The following PLCB4 variants were observed in gnomAD, a reference collection of about 807,000 sequenced individuals.
PLCB4 encodes the protein phospholipase C beta 4, also known as 1-phosphatidylinositol 4,5-bisphosphate phosphodiesterase beta-4.
In PLCB4, 77 loss-of-function variants were observed where a neutral mutation model predicts 178.8. The observed-to-expected ratio is 0.43, with a 90% CI of 0.36 to 0.52. PLCB4 has a LOEUF of 0.52. PLCB4 is among the 20% of genes least tolerant of loss of function. The pLI, the probability that PLCB4 is intolerant of heterozygous loss-of-function variation, is 0.00. For synonymous variants in PLCB4, 496 were observed against 490.8 expected (o/e 1.01, Z -0.14); for missense variants, 1,024 against 1,453.4 (o/e 0.70, Z 4.80).
chr20:9,394,601 A>G (rs2038418221), intron 18 of PLCB4, among the ~76,000 whole-genome samples: 1 of 152,206 alleles, frequency 6.6e-6, no homozygotes, highest in African/African-American at 2.4e-5. Flanking sequence ...ATAGAATTGT[A>G]TGCATTTATT....
intron 14 of PLCB4, 33 bp from the exon 15 acceptor site, chr20:9,387,430 A>C (rs1257592646): frequency 9.5e-7 from 1 of 1,052,826 alleles, no homozygotes. Flanking sequence ...TTCATTGTAA[A>C]GTTTCAATAT....
At chr20:9,161,811 T>G (rs576064414) in intron 2 of PLCB4, among the ~76,000 whole-genome samples, 1 of 152,240 alleles carries the variant, frequency 6.6e-6, no homozygotes, top group East Asian at 1.9e-4. Context: ...ACTTTTTAGA[T>G]TCTACAAAAA....
intron 36 of PLCB4, among the ~76,000 whole-genome samples, chr20:9,471,841 C>T (rs1345599639): frequency 1.3e-5 from 2 of 152,074 alleles, no homozygotes; most frequent in Non-Finnish European, 1.5e-5. Context: ...AGAGCCTGTT[C>T]GTACCCTGCC....
At chr20:9,074,612 A>G (rs201840381) in intron 1 of PLCB4, among the ~76,000 whole-genome samples, 14 of 152,186 alleles carry the variant, frequency 9.2e-5, no homozygotes, top group African/African-American at 3.1e-4. Flanking sequence ...GTCACCCCAC[A>G]GGACCACCAT....
intron 1 of PLCB4, among the ~76,000 whole-genome samples, chr20:9,084,500 C>G (rs1043888433): frequency 1.1e-5 from 1 of 93,860 alleles, no homozygotes; most frequent in Non-Finnish European, 2.4e-5. Context: ...GGTGCTTTCT[C>G]TTTGTAATTT....
chr20:9,308,700 A>G (rs2094798063), intron 4 of PLCB4, among the ~76,000 whole-genome samples: 1 of 152,158 alleles, frequency 6.6e-6, no homozygotes, highest in South Asian at 2.1e-4. Context: ...AGATGCAGAA[A>G]CTAGGTCTTC....
rs1010002820 is a variant in PLCB4, at chr20:9,230,817, G to A, written c.-16+13365G>A. Among the ~76,000 whole-genome samples the A allele has an allele frequency of 3.9e-5, 6 of 152,182 alleles. 1 individual carries two copies. Among genetic ancestry groups the A allele is most frequent in the Admixed American group, 3.3e-4 (5 of 15,266 alleles). ...GACAGCAGCAAAGTACCCAGAGTAC[G>A]AGAGCAAAACCATGCCATAATTTCT... On this transcript the variant is annotated intron_variant, in intron 3 of 39. Transcript: ENST00000378473.
chr20:9,362,493 C>A (rs1217836084), intron 7 of PLCB4, among the ~76,000 whole-genome samples: 1 of 152,066 alleles, frequency 6.6e-6, no homozygotes, highest in Non-Finnish European at 1.5e-5. Context: ...TTGATGAACC[C>A]CTATTCATTT....
At chr20:9,224,801 C>T (rs1210873885) in intron 3 of PLCB4, among the ~76,000 whole-genome samples, 2 of 152,208 alleles carry the variant, frequency 1.3e-5, no homozygotes, top group African/African-American at 2.4e-5. Context: ...TGAGAGAGAA[C>T]TTTCCTAACA....
rs2092291288 is a variant in PLCB4 at position 9,132,306 on chromosome 20, G to GTA, written c.-79+35965_-79+35966insAT. Among the ~76,000 whole-genome samples the GTA allele has an allele frequency of 5.3e-5, 8 of 152,140 alleles. No individual in the cohort carries two copies. The South Asian group carries it at 1.7e-3, about 32-fold the overall frequency. On this transcript the variant is annotated intron_variant, in intron 2 of 39. Transcript: ENST00000378473. ...TGTTTGTGTGTGTGTGTGTGTGTGT[G>GTA]TGGTTGTTAAATTGTGAGATCACTG...
chr20:9,207,388 G>A (rs1303614846), intron 2 of PLCB4, among the ~76,000 whole-genome samples: 2 of 152,198 alleles, frequency 1.3e-5, no homozygotes, highest in Admixed American at 6.5e-5. Context: ...ACATCACTGA[G>A]TAAATGTCCT....
chr20:9,121,572 C>T (rs1457206815), intron 2 of PLCB4, among the ~76,000 whole-genome samples: 3 of 152,162 alleles, frequency 2.0e-5, no homozygotes, highest in African/African-American at 4.8e-5. Flanking sequence ...AGGCCAGTTA[C>T]TGAACACACC....
intron 3 of PLCB4, among the ~76,000 whole-genome samples, chr20:9,299,034 C>T (rs540809117): frequency 3.7e-4 from 57 of 152,074 alleles, no homozygotes; most frequent in Non-Finnish European, 6.5e-4. Context: ...TTTCAGTTAA[C>T]GTTCATTTTA....
intron 3 of PLCB4, among the ~76,000 whole-genome samples, chr20:9,299,223 A>C (rs2094675840): frequency 6.6e-6 from 1 of 152,048 alleles, no homozygotes; most frequent in Non-Finnish European, 1.5e-5. Flanking sequence ...TCTGCTAGAA[A>C]ACATAGACAT....
intron 4 of PLCB4, among the ~76,000 whole-genome samples, chr20:9,321,478 C>T (rs2094957370): frequency 6.6e-6 from 1 of 152,160 alleles, no homozygotes; most frequent in Admixed American, 6.5e-5. Context: ...TCACCGTTTG[C>T]ATTACTTATT....
chr20:9,417,471 G>T (rs1457951051), intron 25 of PLCB4, among the ~76,000 whole-genome samples: 4 of 152,024 alleles, frequency 2.6e-5, no homozygotes, highest in Non-Finnish European at 5.9e-5. Flanking sequence ...TTCGTGCCTG[G>T]CTTCTTTCAC....
intron 4 of PLCB4, among the ~76,000 whole-genome samples, chr20:9,313,000 T>C (rs2094854500): frequency 6.6e-6 from 1 of 152,168 alleles, no homozygotes; most frequent in South Asian, 2.1e-4. Context: ...AAACCAAAAA[T>C]ACATTTTTCT....
intron 3 of PLCB4, among the ~76,000 whole-genome samples, chr20:9,222,581 C>T (rs574913586): frequency 2.6e-5 from 4 of 152,210 alleles, no homozygotes; most frequent in African/African-American, 7.2e-5. Context: ...CTGGAATGTC[C>T]AAAATCACAG....
chr20:9,092,102 T>C (rs1412507987), intron 1 of PLCB4, among the ~76,000 whole-genome samples: 1 of 152,142 alleles, frequency 6.6e-6, no homozygotes, highest in Non-Finnish European at 1.5e-5. Context: ...CATGTTCTTG[T>C]TTTCTGTTTT....
Sources: gnomAD v4.1 joint callset for allele counts (sites outside exome capture counted in the v4.1 genomes callset) on GRCh38, gnomAD v4.1.1 for gene constraint, MANE v1.5 for transcripts, NCBI Gene and HGNC (gene_info 2026-07-23, HGNC 2026-07-21) for gene names.